Variants in PRPF3 observed in about 807,000 individuals in gnomAD.
PRPF3 encodes the protein U4/U6 small nuclear ribonucleoprotein Prp3.
Under a neutral mutation model 89.2 loss-of-function variants are expected in PRPF3, and 3 were observed. That is an observed-to-expected ratio of 0.03 (90% CI 0.02 to 0.09). The LOEUF is 0.09. Among genes scored for constraint, PRPF3 ranks in the 10% least tolerant of loss-of-function variants. The pLI, the probability that PRPF3 is intolerant of heterozygous loss-of-function variation, is 1.00. For synonymous variants in PRPF3, 270 were observed against 289.1 expected (o/e 0.93, Z 0.67); for missense variants, 463 against 828.8 (o/e 0.56, Z 5.42).
At chr1:150,330,964 G>A (rs1020159186) in intron 4 of PRPF3, among the ~76,000 whole-genome samples, 3 of 151,898 alleles carry the variant, frequency 2.0e-5, no homozygotes, top group East Asian at 1.9e-4. Flanking sequence ...TGATCCGCCC[G>A]GCTCGGCCTC....
chr1:150,322,618 C>A (rs1553862364), intron 1 of PRPF3, among the ~76,000 whole-genome samples: 2 of 152,176 alleles, frequency 1.3e-5, no homozygotes, highest in African/African-American at 2.4e-5. Context: ...ATCTTTCAGT[C>A]TTAGTTTCAT....
intron 9 of PRPF3, 75 bp downstream of exon 9, chr1:150,340,552 T>TCCTCA: frequency 3.5e-6 from 4 of 1,143,290 alleles, no homozygotes; most frequent in Non-Finnish European, 5.3e-6. Flanking sequence ...AGGAACATGT[T>TCCTCA]CTGTATCTAT....
At position 150,335,234 on chromosome 1, in the gene PRPF3, G is replaced by A; in HGVS notation, c.1028G>A (p.Arg343Gln). The part of the protein sequence containing the change: ...GKFEKIAQRL[R>Q]TKAQLEKLQA... Reference sequence around the variant, plus strand: ...TTTGAGAAGATTGCTCAGCGATTACGGACAAAGGTATCTGGCTTAGAGTAT... The same window carrying A: ...TTTGAGAAGATTGCTCAGCGATTACAGACAAAGGTATCTGGCTTAGAGTAT... The change falls in exon 7 of 16, where the codon CGG (arginine) becomes CAG (glutamine). Residue 343 changes from arginine to glutamine, a missense_variant. This residue lies in a region of PRPF3 where 261 missense variants were observed against 475.8 expected (regional missense o/e 0.55). Coordinates refer to ENST00000324862, the MANE Select transcript of PRPF3 (RefSeq NM_004698.4). The A allele has an allele frequency of 6.2e-7, 1 of 1,613,662 alleles. No homozygotes were observed. The highest frequency in any genetic ancestry group is 8.5e-7 in the Non-Finnish European group (1 of 1,179,724).
At chr1:150,349,099 ATTAT>A in intron 14 of PRPF3, 54 bp from the exon 15 acceptor site, 1 of 1,359,394 alleles carries the variant, frequency 7.4e-7, no homozygotes, top group African/African-American at 1.4e-5. Flanking sequence ...AGACTTGAAT[ATTAT>A]TTGTTTAGAA....
chr1:150,334,596 T>A lies in PRPF3; in HGVS notation c.729-339T>A, dbSNP rs587756409. 1.2e-4 allele frequency among the ~76,000 whole-genome samples: 18 copies of A among 152,176 alleles called. No homozygotes were observed. In the South Asian group the frequency reaches 3.5e-3, roughly 30 times the overall value. On this transcript the variant is annotated intron_variant, in intron 6 of 15. Transcript: ENST00000324862. ...CCTCAGCCTCCCAAAGTGCTGGGAT[T>A]ACAGTGTGAGCCACCACACCCGTCC...
rs886136730 is a variant in PRPF3, at chr1:150,353,093, C to G, written c.*114C>G. ...TGTGTGATCTCAGAACTGTGCCAAG[C>G]AGACACTGGGACAAAGGGAGAATAT... On this transcript the variant is annotated 3_prime_UTR_variant, in exon 16 of 16. Transcript: ENST00000324862. 7 of 1,404,328 alleles carry G rather than the reference C, an allele frequency of 5.0e-6. No homozygotes were observed. Among genetic ancestry groups the G allele is most frequent in the Non-Finnish European group, 7.1e-6 (7 of 992,350 alleles). The allele number at this position is 1,404,328 out of a possible 1,614,324, so 87.0% of individuals were successfully genotyped here.
chr1:150,352,619 C>T (rs917846767), intron 15 of PRPF3, among the ~76,000 whole-genome samples: 1 of 152,114 alleles, frequency 6.6e-6, no homozygotes, highest in Admixed American at 6.6e-5. Flanking sequence ...GAGCCGAGAT[C>T]GTGCCACTGC....
At chr1:150,336,843 A>T in intron 7 of PRPF3, among the ~76,000 whole-genome samples, 1 of 151,890 alleles carries the variant, frequency 6.6e-6, no homozygotes, top group East Asian at 1.9e-4. Context: ...AAGTGGAAAT[A>T]TTATGAAATT....
chr1:150,337,841 G>A (rs1222382629), intron 7 of PRPF3, among the ~76,000 whole-genome samples: 4 of 151,802 alleles, frequency 2.6e-5, no homozygotes, highest in African/African-American at 4.8e-5. Context: ...TTGGGAGGCC[G>A]AGGCGGGCAG....
intron 7 of PRPF3, among the ~76,000 whole-genome samples, chr1:150,337,941 G>T (rs1333311804): frequency 6.6e-6 from 1 of 151,960 alleles, no homozygotes; most frequent in African/African-American, 2.4e-5. Flanking sequence ...GAGGGTGGTG[G>T]CACATGCCTG....
At chr1:150,328,695 G>A (rs1014310022) in intron 4 of PRPF3, among the ~76,000 whole-genome samples, 1 of 151,146 alleles carries the variant, frequency 6.6e-6, no homozygotes, top group East Asian at 2.0e-4. Context: ...TGGGATTAGA[G>A]GCACCCACCA....
chr1:150,331,062 C>T (rs1656316676), intron 4 of PRPF3, among the ~76,000 whole-genome samples: 1 of 151,746 alleles, frequency 6.6e-6, no homozygotes, highest in East Asian at 1.9e-4. Flanking sequence ...GACGGAGTCT[C>T]GCTCTTGCAC....
At chr1:150,338,374 G>A in intron 8 of PRPF3, 48 bp downstream of exon 8, 1 of 1,565,672 alleles carries the variant, frequency 6.4e-7, no homozygotes, top group Non-Finnish European at 8.8e-7. Context: ...TTAATCAGCT[G>A]AGTTTAAGAC....
intron 1 of PRPF3, among the ~76,000 whole-genome samples, chr1:150,323,173 CTTTTTTTTTTT>C (rs71083901): frequency 1.7e-4 from 8 of 48,270 alleles, no homozygotes; most frequent in African/African-American, 3.9e-4. Flanking sequence ...CCGCACCTGG[CTTTTTTTTTTT>C]TTTTTTTTTT....
At chr1:150,350,335 G>A (rs1433701419) in intron 15 of PRPF3, among the ~76,000 whole-genome samples, 1 of 151,974 alleles carries the variant, frequency 6.6e-6, no homozygotes, top group Non-Finnish European at 1.5e-5. Context: ...CCGAGTAGCT[G>A]GAATTACAGG....
At chr1:150,324,762 G>T in intron 1 of PRPF3, 133 bp from the exon 2 acceptor site, 1 of 576,240 alleles carries the variant, frequency 1.7e-6, no homozygotes, top group Non-Finnish European at 3.0e-6. Flanking sequence ...GGCCAGACTG[G>T]TCTCGAACTC....
At position 150,332,666 on chromosome 1, in the gene PRPF3, T is replaced by C. The variant is rs1463643258; in HGVS notation, c.424-18T>C. The C allele has an allele frequency of 6.2e-7, 1 of 1,613,566 alleles. No individual in the cohort carries two copies. Among genetic ancestry groups the C allele is most frequent in the African/African-American group, 1.3e-5 (1 of 74,884 alleles). ...AAGGAGAAATTAACAGTTTTTCAAT[T>C]TTTTTCCTGGAGAGCAGATCAAACA... On this transcript the variant is annotated intron_variant, in intron 4 of 15. Transcript: ENST00000324862.
intron 14 of PRPF3, chr1:150,348,761 C>T (rs754876082): frequency 2.3e-4 from 58 of 257,498 alleles, no homozygotes; most frequent in Non-Finnish European, 3.8e-4. Flanking sequence ...CCACGCTGGC[C>T]GATAATTTTG....
rs116028484 is a variant in PRPF3 at position 150,336,762 on chromosome 1, T to C, written c.1036-1398T>C. 8.0e-5 allele frequency among the ~76,000 whole-genome samples: 12 copies of C among 150,898 alleles called. No individual in the cohort carries two copies. In the Middle Eastern group the frequency reaches 0.017, roughly 217 times the overall value. On this transcript the variant is annotated intron_variant, in intron 7 of 15. Coordinates refer to ENST00000324862, the MANE Select transcript of PRPF3 (RefSeq NM_004698.4). ...AAGAGCGAAACTCCGTCTCAAAAAA[T>C]ATATATATATATTTATTAATATAAT...
Sources: gnomAD v4.1 joint callset for allele counts (sites outside exome capture counted in the v4.1 genomes callset) on GRCh38, gnomAD v4.1.1 for gene constraint, gnomAD v4.1.1 regional missense constraint, MANE v1.5 for transcripts, NCBI Gene and HGNC (gene_info 2026-07-23, HGNC 2026-07-21) for gene names.